Variants in ACTN1 observed in about 807,000 individuals in gnomAD.
The protein encoded by ACTN1 is actinin alpha 1, also known as alpha-actinin-1.
In ACTN1, 30 loss-of-function variants were observed where a neutral mutation model predicts 119.6. That is an observed-to-expected ratio of 0.25 (90% CI 0.19 to 0.34). The LOEUF (loss-of-function observed/expected upper bound fraction) is 0.34, where lower values mean the gene tolerates loss of function less well. Among genes scored for constraint, ACTN1 ranks in the 10% least tolerant of loss-of-function variants. The pLI, the probability that ACTN1 is intolerant of heterozygous loss-of-function variation, is 1.00. For missense variants in ACTN1, 764 were observed against 1,223.4 expected (o/e 0.62, Z 5.60); for synonymous variants, 429 against 472.6 (o/e 0.91, Z 1.20).
At chr14:68,911,541 A>G (rs2034004449) in intron 4 of ACTN1, among the ~76,000 whole-genome samples, 1 of 152,268 alleles carries the variant, frequency 6.6e-6, no homozygotes, top group Non-Finnish European at 1.5e-5. Flanking sequence ...AAAAATGTTT[A>G]TGATGTCTAT....
At chr14:68,902,185 C>T (rs1566618172) in intron 8 of ACTN1, among the ~76,000 whole-genome samples, 1 of 152,166 alleles carries the variant, frequency 6.6e-6, no homozygotes, top group South Asian at 2.1e-4. Flanking sequence ...AGAACCACCC[C>T]GGCTGCCTCA....
chr14:68,887,361 C>T (rs1351617377), intron 11 of ACTN1: 3 of 392,070 alleles, frequency 7.7e-6, no homozygotes, highest in Non-Finnish European at 1.3e-5. Context: ...GAGTGGTTTT[C>T]TTTAGGAAAC....
At chr14:68,951,499 T>G (rs2036167262) in intron 1 of ACTN1, among the ~76,000 whole-genome samples, 1 of 152,186 alleles carries the variant, frequency 6.6e-6, no homozygotes, top group African/African-American at 2.4e-5. Flanking sequence ...CAAGGAGGGA[T>G]GCATGGAAGC....
Position 68,909,173 on chromosome 14 carries a change from T to G in ACTN1, c.594+145A>C. Reference sequence around the variant, plus strand: ...CAGGGAAGGTGTTTTCTCTTCACTTTCAGTTGGGGCTCTGTCTGGCTATTC... The same window carrying G: ...CAGGGAAGGTGTTTTCTCTTCACTTGCAGTTGGGGCTCTGTCTGGCTATTC... On this transcript the variant is annotated intron_variant, in intron 6 of 21. Coordinates refer to ENST00000394419, the MANE Select transcript of ACTN1 (RefSeq NM_001130004.2). The surrounding 1 kb of genome is among the most constrained non-coding windows in gnomAD (Gnocchi z 4.1). 1.3e-6 allele frequency: 1 copy of G among 743,610 alleles called. No homozygotes were observed. The highest frequency in any genetic ancestry group is 1.7e-5 in the South Asian group (1 of 58,858). 46.1% of individuals were successfully genotyped at this position (743,610 alleles called of 1,614,324 possible). A position where few individuals can be genotyped will look rare whatever the true frequency, so the allele number is the denominator to read the frequency against.
chr14:68,885,683 C>G lies in ACTN1; in HGVS notation c.1235-108G>C, dbSNP rs2031943171. 2 of 1,301,378 alleles carry G rather than the reference C, an allele frequency of 1.5e-6. No homozygotes were observed. Among genetic ancestry groups the G allele is most frequent in the Non-Finnish European group, 2.1e-6 (2 of 952,280 alleles). The allele number at this position is 1,301,378 out of a possible 1,614,324, so 80.6% of individuals were successfully genotyped here. Reference sequence around the variant, plus strand: ...GAGCTCCACTTCTGGGGGTGCTTCTCAAGGAGGTGCCCATTGTGCAGGGAT... The same window carrying G: ...GAGCTCCACTTCTGGGGGTGCTTCTGAAGGAGGTGCCCATTGTGCAGGGAT... On this transcript the variant is annotated intron_variant, in intron 11 of 21. Transcript: ENST00000394419. This position sits in a 1 kb window ranked among gnomAD's most constrained non-coding sequence, Gnocchi z 5.6.
At position 68,877,255 on chromosome 14, in the gene ACTN1, C is replaced by G. The variant is rs201203446; in HGVS notation, c.2428-15G>C. 30 of 1,613,822 alleles carry G rather than the reference C, an allele frequency of 1.9e-5. No individual in the cohort carries two copies. The highest frequency in any genetic ancestry group is 2.4e-5 in the Non-Finnish European group (28 of 1,179,870). ...TCTGCTTCTCCCTGGAGGGAACAGC[C>G]AAACCCAGGCCTGTCAGCCCATGGC... On this transcript the variant is annotated splice_polypyrimidine_tract_variant and intron_variant, in intron 20 of 21. Transcript: ENST00000394419.
At chr14:68,978,306 T>C (rs561509645) in intron 1 of ACTN1, 290 of 436,794 alleles carry the variant, frequency 6.6e-4, no homozygotes, top group African/African-American at 5.5e-3. Flanking sequence ...TAAAACGGTC[T>C]GCTGTCCTGA....
intron 16 of ACTN1, chr14:68,881,195 C>T (rs2031474936): frequency 1.9e-6 from 1 of 539,976 alleles, no homozygotes; most frequent in East Asian, 3.0e-5. Context: ...AGGTATATAA[C>T]AAGCACTGTT....
chr14:68,962,021 G>A (rs879467460), intron 1 of ACTN1, among the ~76,000 whole-genome samples: 1 of 152,180 alleles, frequency 6.6e-6, no homozygotes, highest in Admixed American at 6.5e-5. Context: ...CAGTACAGCT[G>A]TGGCTGGTGT....
intron 10 of ACTN1, among the ~76,000 whole-genome samples, chr14:68,890,798 C>CCAGAATTCTGGGAGGA (rs2032421223): frequency 1.3e-5 from 2 of 152,174 alleles, no homozygotes; most frequent in Admixed American, 6.5e-5. Flanking sequence ...GGTGAGCCGG[C>CCAGAATTCTGGGAGGA]CAGAATTCTG....
intron 8 of ACTN1, among the ~76,000 whole-genome samples, chr14:68,895,342 G>A (rs1242536175): frequency 2.6e-5 from 4 of 152,244 alleles, no homozygotes; most frequent in South Asian, 4.1e-4. Flanking sequence ...CATCTCTCTC[G>A]AGAACCAACA....
chr14:68,912,811 GC>G (rs1355681146), intron 3 of ACTN1, among the ~76,000 whole-genome samples: 1 of 152,190 alleles, frequency 6.6e-6, no homozygotes, highest in African/African-American at 2.4e-5. Context: ...AGAGAAGGGG[GC>G]ATTTGAAATC....
chr14:68,934,786 T>C (rs2035408194), intron 1 of ACTN1, among the ~76,000 whole-genome samples: 1 of 152,156 alleles, frequency 6.6e-6, no homozygotes, highest in African/African-American at 2.4e-5. Flanking sequence ...AAATGATGGG[T>C]TCTGAAACTA....
At position 68,925,761 on chromosome 14, in the gene ACTN1, G is replaced by T; in HGVS notation, c.106-89C>A. ...CATTTAATGGTGCCAGGGGGTGGGA[G>T]GTGGACACCTACTCAGCAGAGCCTC... On this transcript the variant is annotated intron_variant, in intron 1 of 21. Coordinates refer to ENST00000394419, the MANE Select transcript of ACTN1 (RefSeq NM_001130004.2). The surrounding 1 kb of genome is among the most constrained non-coding windows in gnomAD (Gnocchi z 4.3). The T allele has an allele frequency of 3.0e-6, 3 of 987,270 alleles. No homozygotes were observed. The highest frequency in any genetic ancestry group is 1.5e-6 in the Non-Finnish European group (1 of 650,064). The allele number at this position is 987,270 out of a possible 1,614,324, so 61.2% of individuals were successfully genotyped here. A position where few individuals can be genotyped will look rare whatever the true frequency, so the allele number is the denominator to read the frequency against.
chr14:68,932,515 T>G (rs1034216407), intron 1 of ACTN1, among the ~76,000 whole-genome samples: 7 of 99,542 alleles, frequency 7.0e-5, no homozygotes, highest in Non-Finnish European at 5.5e-5. Flanking sequence ...ACACCCAGCT[T>G]TTTTTTTTTT....
chr14:68,875,236 G>A (rs2030763080), intron 21 of ACTN1: 1 of 1,311,950 alleles, frequency 7.6e-7, no homozygotes, highest in Admixed American at 2.5e-5. Flanking sequence ...TTCCACTTCA[G>A]TACCTACTTT....
intron 6 of ACTN1, among the ~76,000 whole-genome samples, chr14:68,907,781 C>T (rs1045254701): frequency 1.3e-5 from 2 of 152,164 alleles, no homozygotes; most frequent in Non-Finnish European, 2.9e-5. Context: ...GAGCCACGGT[C>T]GGCACAGACC....
intron 3 of ACTN1, among the ~76,000 whole-genome samples, chr14:68,919,417 T>C (rs145622266): frequency 6.6e-6 from 1 of 152,372 alleles, no homozygotes; most frequent in East Asian, 1.9e-4. Context: ...GCCTGCTTAG[T>C]TATAACTTTT....
At chr14:68,888,015 A>G in intron 11 of ACTN1, 1 of 745,720 alleles carries the variant, frequency 1.3e-6, no homozygotes, top group Non-Finnish European at 2.5e-6. Flanking sequence ...TTAACTGACA[A>G]CCGCGCCGAT....
Sources: gnomAD v4.1 joint callset for allele counts (sites outside exome capture counted in the v4.1 genomes callset) on GRCh38, gnomAD v4.1.1 for gene constraint, Gnocchi (gnomAD v3.1) non-coding constraint, MANE v1.5 for transcripts, NCBI Gene and HGNC (gene_info 2026-07-23, HGNC 2026-07-21) for gene names.